The following AKAP7 variants were observed in gnomAD, a reference collection of about 807,000 sequenced individuals.
AKAP7 encodes A-kinase anchoring protein 7, also known as A kinase (PRKA) anchor protein 7.
In AKAP7, 39 loss-of-function variants were observed where a neutral mutation model predicts 39.5. That is an observed-to-expected ratio of 0.99 (90% confidence interval 0.76 to 1.29). AKAP7 has a LOEUF of 1.29. AKAP7 is among the 50% of genes most tolerant of loss of function. AKAP7 has a pLI of 0.00. For synonymous variants in AKAP7, 140 were observed against 139.1 expected (o/e 1.01, Z -0.05); for missense variants, 414 against 407.7 (o/e 1.02, Z -0.13).
chr6:131,140,603 G>A (rs754292545), intron 1 of AKAP7, among the ~76,000 whole-genome samples: 7 of 152,102 alleles, frequency 4.6e-5, no homozygotes, highest in Admixed American at 6.6e-5. Context: ...GTGAGATGAC[G>A]GTGTTAAATA....
chr6:131,187,570 A>G (rs1211457547), intron 5 of AKAP7, among the ~76,000 whole-genome samples: 4 of 152,182 alleles, frequency 2.6e-5, no homozygotes, highest in Admixed American at 2.6e-4. Flanking sequence ...TGTAGAAACT[A>G]TAACAAGTTA....
At chr6:131,273,970 C>T (rs1446338663) in intron 7 of AKAP7, among the ~76,000 whole-genome samples, 4 of 144,606 alleles carry the variant, frequency 2.8e-5, no homozygotes, top group African/African-American at 5.1e-5. Flanking sequence ...GATGGAGTCT[C>T]GCACTGTCGC....
intron 7 of AKAP7, among the ~76,000 whole-genome samples, chr6:131,278,735 C>T (rs2128339606): frequency 6.6e-6 from 1 of 152,274 alleles, no homozygotes; most frequent in East Asian, 1.9e-4. Flanking sequence ...ATGAGAACAG[C>T]AAGTGGGAAA....
At chr6:131,155,003 A>G (rs1802293184) in intron 2 of AKAP7, among the ~76,000 whole-genome samples, 1 of 130,628 alleles carries the variant, frequency 7.7e-6, no homozygotes, top group African/African-American at 3.0e-5. Flanking sequence ...ATTTGTAAGA[A>G]TGTTCCAAAG....
At chr6:131,156,257 A>G (rs1013500035) in intron 2 of AKAP7, among the ~76,000 whole-genome samples, 1 of 152,116 alleles carries the variant, frequency 6.6e-6, no homozygotes, top group Non-Finnish European at 1.5e-5. Context: ...GATGCTAGGA[A>G]CTTATTTAGA....
intron 5 of AKAP7, among the ~76,000 whole-genome samples, chr6:131,185,697 G>A (rs778393743): frequency 6.6e-6 from 1 of 152,162 alleles, no homozygotes; most frequent in Non-Finnish European, 1.5e-5. Flanking sequence ...TGATTTGAAG[G>A]AGTTCTTTAA....
At chr6:131,128,948 G>A in the AKAP7 span, among the ~76,000 whole-genome samples, 1 of 151,970 alleles carries the variant, frequency 6.6e-6, no homozygotes, top group Non-Finnish European at 1.5e-5. Context: ...CAATGACATT[G>A]GCAATTGGTC....
Position 131,145,474 on chromosome 6 carries a change from TA to T in AKAP7, c.151+59del, listed in dbSNP as rs1261339762. 30 of 1,157,500 alleles carry T rather than the reference TA, an allele frequency of 2.6e-5. No homozygotes were observed. The East Asian group carries it at 8.8e-4, about 34-fold the overall frequency. 71.7% of individuals were successfully genotyped at this position (1,157,500 alleles called of 1,614,324 possible). ...AAGCAATGAGTAGTAAATTTAGTTA[TA>T]TATATATTTTTTTCTTTATAAGTTG... On this transcript the variant is annotated intron_variant, in intron 2 of 7. Transcript: ENST00000431975.
chr6:131,181,730 C>CTG (rs1350015958), intron 5 of AKAP7, among the ~76,000 whole-genome samples: 1 of 152,160 alleles, frequency 6.6e-6, no homozygotes, highest in Admixed American at 6.5e-5. Context: ...CCCTGAGGCA[C>CTG]TGGGCCATGT....
At chr6:131,134,122 T>C (rs945999040), upstream of AKAP7, among the ~76,000 whole-genome samples, 9 of 152,046 alleles carry the variant, frequency 5.9e-5, no homozygotes, top group Admixed American at 2.0e-4. Flanking sequence ...CAGGCATGGG[T>C]CACCACGTCT....
chr6:131,199,053 G>C (rs1807253391), intron 5 of AKAP7, among the ~76,000 whole-genome samples: 1 of 152,200 alleles, frequency 6.6e-6, no homozygotes, highest in Non-Finnish European at 1.5e-5. Context: ...TCATTGCTCA[G>C]GGAAGGTTTC....
rs185010950 is a variant in AKAP7 at position 131,164,230 on chromosome 6, T to G, written c.292-851T>G. 20 of 364,390 alleles carry G rather than the reference T, an allele frequency of 5.5e-5. No homozygotes were observed. In the East Asian group the frequency reaches 1.4e-3, roughly 26 times the overall value. The allele number at this position is 364,390 out of a possible 1,614,324, so 22.6% of individuals were successfully genotyped here. A position where few individuals can be genotyped will look rare whatever the true frequency, so the allele number is the denominator to read the frequency against. The stretch of plus-strand genomic sequence containing the variant: ...GTGCTGCCTCAGGGCTTCTGTCTTC[T>G]GTTCCCTTAGGGCTTCTCTGTGCTC... On this transcript the variant is annotated intron_variant, in intron 3 of 7. Transcript: ENST00000431975.
chr6:131,228,248 A>C (rs562612564), intron 7 of AKAP7, among the ~76,000 whole-genome samples: 269 of 152,326 alleles, frequency 1.8e-3, no homozygotes, highest in Non-Finnish European at 3.1e-3. Context: ...GCTAGGAAAA[A>C]AAGGTTTTGA....
chr6:131,142,828 A>G (rs1246900082), intron 1 of AKAP7, among the ~76,000 whole-genome samples: 1 of 152,212 alleles, frequency 6.6e-6, no homozygotes, highest in Non-Finnish European at 1.5e-5. Flanking sequence ...CACCTTGCAA[A>G]TCCATAGGGA....
In AKAP7 at chr6:131,282,384, ATTT is replaced by A. The variant is rs752361676; in HGVS notation, c.*665_*667del. 8 of 1,440,924 alleles carry A rather than the reference ATTT, an allele frequency of 5.6e-6. No individual in the cohort carries two copies. Among genetic ancestry groups the A allele is most frequent in the South Asian group, 1.5e-5 (1 of 66,976 alleles). The allele number at this position is 1,440,924 out of a possible 1,614,324, so 89.3% of individuals were successfully genotyped here. Reference sequence around the variant, plus strand: ...ATATTTAATGAAATGTTATTATATAATTTTTTTTTCTTAGGCAAGAAACCTATT... The same window carrying A: ...ATATTTAATGAAATGTTATTATATAATTTTTTCTTAGGCAAGAAACCTATT... On this transcript the variant is annotated 3_prime_UTR_variant, in exon 8 of 8. Transcript: ENST00000431975.
chr6:131,196,142 TTTTTC>T (rs529750582), intron 5 of AKAP7, among the ~76,000 whole-genome samples: 206 of 152,268 alleles, frequency 1.4e-3, no homozygotes, highest in African/African-American at 4.7e-3. Flanking sequence ...TTTATATTCT[TTTTTC>T]TTTTGTCTCC....
At chr6:131,191,720 T>C (rs929384640) in intron 5 of AKAP7, among the ~76,000 whole-genome samples, 7 of 152,184 alleles carry the variant, frequency 4.6e-5, no homozygotes, top group Admixed American at 3.9e-4. Flanking sequence ...GTGCTGTCTG[T>C]GGTTTGGCAC....
chr6:131,224,170 ATAAT>A lies in AKAP7; in HGVS notation c.850+4364_850+4367del, dbSNP rs570723019. ...TAAAATCATATGTGCATCTAAAGTG[ATAAT>A]TTATTGTTATAATTAACCAAGTTTA... On this transcript the variant is annotated intron_variant, in intron 7 of 7. Coordinates refer to ENST00000431975, the MANE Select transcript of AKAP7 (RefSeq NM_016377.4). Among the ~76,000 whole-genome samples the A allele has an allele frequency of 4.0e-3, 602 of 152,332 alleles. 4 individuals carry two copies. Among genetic ancestry groups the A allele is most frequent in the Middle Eastern group, 0.02 (6 of 294 alleles).
At chr6:131,244,110 C>G (rs1011403234) in intron 7 of AKAP7, among the ~76,000 whole-genome samples, 6 of 150,540 alleles carry the variant, frequency 4.0e-5, no homozygotes, top group Non-Finnish European at 7.4e-5. Flanking sequence ...AAAGGTCAGA[C>G]TGTAAAAAGC....
Sources: allele counts gnomAD v4.1 joint callset (sites outside exome capture counted in the v4.1 genomes callset), GRCh38; gene constraint gnomAD v4.1.1; transcripts MANE v1.5; gene names NCBI Gene and HGNC (gene_info 2026-07-23, HGNC 2026-07-21).